The following FTCDNL1 variants were observed in gnomAD, a reference collection of about 807,000 sequenced individuals.
FTCDNL1 encodes the protein formiminotransferase N-terminal subdomain-containing protein.
A neutral mutation model predicts 5.9 loss-of-function variants in FTCDNL1; 11 were observed. That is an observed-to-expected ratio of 1.87 (90% CI 1.18 to 3.10). The LOEUF (loss-of-function observed/expected upper bound fraction) is 3.10. Ranked by LOEUF, FTCDNL1 falls within the 30% of genes most tolerant of loss-of-function variation. The pLI, the probability that FTCDNL1 is intolerant of heterozygous loss-of-function variation, is 0.00. For synonymous variants in FTCDNL1, 58 were observed against 24.8 expected, an observed-to-expected ratio of 2.34 and a Z score of -3.99; for missense variants, 115 against 65.5, an observed-to-expected ratio of 1.76 and a Z score of -2.61.
At chr2:199,769,698 T>C (rs1331876866) in intron 3 of FTCDNL1, among the ~76,000 whole-genome samples, 7 of 152,212 alleles carry the variant, frequency 4.6e-5, no homozygotes, top group Non-Finnish European at 8.8e-5. Context: ...CTTCAGACAG[T>C]CAGGTCTGGT....
the FTCDNL1 span, among the ~76,000 whole-genome samples, chr2:199,683,268 T>C: frequency 8.4e-4 from 127 of 152,052 alleles, no homozygotes; most frequent in African/African-American, 2.9e-3. Flanking sequence ...TAAAACGGAG[T>C]TTGTATTTGA....
chr2:199,785,249 C>CTTTTTTTTTTTTT (rs61047289), intron 3 of FTCDNL1, among the ~76,000 whole-genome samples: 2,143 of 76,792 alleles, frequency 0.028, 559 homozygotes, highest in Admixed American at 0.09. Flanking sequence ...TTCCAAATTC[C>CTTTTTTTTTTTTT]TTTTTTTTTT....
chr2:199,812,899 T>C (rs1031627076), intron 4 of FTCDNL1, among the ~76,000 whole-genome samples, 175 bp from the exon 5 acceptor site: 1 of 152,252 alleles, frequency 6.6e-6, no homozygotes. Context: ...ACAGGCCTGA[T>C]GTCTTCCTGA....
chr2:199,684,844 TA>T, the FTCDNL1 span, among the ~76,000 whole-genome samples: 1 of 152,206 alleles, frequency 6.6e-6, no homozygotes, highest in Non-Finnish European at 1.5e-5. Context: ...CAGTAAGGAA[TA>T]ACTTTTGATA....
the FTCDNL1 span, among the ~76,000 whole-genome samples, chr2:199,729,527 C>G: frequency 6.6e-6 from 1 of 151,696 alleles, no homozygotes. Context: ...AATCAATGTG[C>G]AAAAATCACA....
the FTCDNL1 span, among the ~76,000 whole-genome samples, chr2:199,676,704 A>G: frequency 6.6e-6 from 1 of 152,192 alleles, no homozygotes; most frequent in African/African-American, 2.4e-5. Flanking sequence ...GAGATGGTGG[A>G]TATCCTGACT....
intron 3 of FTCDNL1, among the ~76,000 whole-genome samples, chr2:199,839,958 G>C (rs2076538178): frequency 6.6e-6 from 1 of 152,056 alleles, no homozygotes; most frequent in East Asian, 1.9e-4. Flanking sequence ...CATAAACCAA[G>C]AAAGTCAAAA....
At chr2:199,831,866 A>T (rs1174941344) in intron 3 of FTCDNL1, among the ~76,000 whole-genome samples, 6 of 152,164 alleles carry the variant, frequency 3.9e-5, no homozygotes, top group African/African-American at 1.2e-4. Context: ...TGATAGAAAA[A>T]ACTACAAGTG....
At chr2:199,684,471 C>G in the FTCDNL1 span, among the ~76,000 whole-genome samples, 3 of 152,250 alleles carry the variant, frequency 2.0e-5, no homozygotes, top group South Asian at 4.1e-4. Flanking sequence ...TATACACACA[C>G]ATGTATTACA....
At chr2:199,742,821 G>C in the FTCDNL1 span, among the ~76,000 whole-genome samples, 1 of 152,154 alleles carries the variant, frequency 6.6e-6, no homozygotes, top group African/African-American at 2.4e-5. Flanking sequence ...GAAAAATAAG[G>C]TATGAGTTTT....
chr2:199,777,859 C>G (rs1418467655), intron 3 of FTCDNL1, among the ~76,000 whole-genome samples: 1 of 152,058 alleles, frequency 6.6e-6, no homozygotes, highest in Admixed American at 6.6e-5. Context: ...TGCAGGCTTT[C>G]TTATCCTGCA....
chr2:199,679,234 C>T, the FTCDNL1 span, among the ~76,000 whole-genome samples: 2 of 151,938 alleles, frequency 1.3e-5, no homozygotes, highest in Non-Finnish European at 1.5e-5. Context: ...GTCTGTTCTT[C>T]CCTTTTATTC....
intron 3 of FTCDNL1, among the ~76,000 whole-genome samples, chr2:199,763,500 C>T (rs1698367437): frequency 6.6e-6 from 1 of 152,174 alleles, no homozygotes; most frequent in Non-Finnish European, 1.5e-5. Flanking sequence ...ATGAAGCCTT[C>T]CTCAGCCTCC....
At chr2:199,784,674 C>G (rs193120961) in intron 3 of FTCDNL1, among the ~76,000 whole-genome samples, 111 of 152,288 alleles carry the variant, frequency 7.3e-4, no homozygotes, top group Non-Finnish European at 7.9e-4. Flanking sequence ...AGACTTGCCC[C>G]AATTGAGGCG....
At chr2:199,693,500 G>A in the FTCDNL1 span, among the ~76,000 whole-genome samples, 7 of 152,124 alleles carry the variant, frequency 4.6e-5, no homozygotes, top group Non-Finnish European at 8.8e-5. Context: ...TTATATTCTT[G>A]AGAAAGTGCT....
the FTCDNL1 span, among the ~76,000 whole-genome samples, chr2:199,746,894 C>T: frequency 2.6e-5 from 4 of 152,100 alleles, no homozygotes; most frequent in African/African-American, 9.7e-5. Context: ...ACTCCTCTTC[C>T]CTCCCTCACG....
the FTCDNL1 span, among the ~76,000 whole-genome samples, chr2:199,695,498 G>A: frequency 6.6e-6 from 1 of 152,142 alleles, no homozygotes; most frequent in Non-Finnish European, 1.5e-5. Context: ...AATAAAAATA[G>A]GGGAGAAAGT....
intron 3 of FTCDNL1, among the ~76,000 whole-genome samples, chr2:199,825,375 G>A (rs1701966187): frequency 6.6e-6 from 1 of 152,142 alleles, no homozygotes; most frequent in Admixed American, 6.5e-5. Flanking sequence ...CTCCTGGAAT[G>A]GGGCGGGGCT....
chr2:199,752,740 CTG>C, the FTCDNL1 span, among the ~76,000 whole-genome samples: 1,724 of 30,600 alleles, frequency 0.056, 22 homozygotes, highest in Middle Eastern at 0.12. Context: ...CTCTCTCTCT[CTG>C]TGTGTGTGTG....
Sources: gnomAD v4.1 joint callset for allele counts (sites outside exome capture counted in the v4.1 genomes callset) on GRCh38, gnomAD v4.1.1 for gene constraint, MANE v1.5 for transcripts, NCBI Gene and HGNC (gene_info 2026-07-23, HGNC 2026-07-21) for gene names.